Variants in C8orf34 observed in about 807,000 individuals in gnomAD.
C8orf34 encodes the protein chromosome 8 open reading frame 34, also known as uncharacterized protein C8orf34.
C8orf34 carries 65 observed loss-of-function variants against 68.3 expected under a neutral mutation model. The observed-to-expected ratio is 0.95, with a 90% CI of 0.78 to 1.17. C8orf34 has a LOEUF of 1.17. Among genes scored for constraint, C8orf34 ranks in the 50% most tolerant of loss-of-function variants. The pLI is 0.00. For synonymous variants in C8orf34, 244 were observed against 241.2 expected (o/e 1.01, Z -0.11); for missense variants, 664 against 655.4 (o/e 1.01, Z -0.14).
At chr8:68,400,332 T>A (rs907381091) in intron 1 of C8orf34, among the ~76,000 whole-genome samples, 3 of 152,152 alleles carry the variant, frequency 2.0e-5, no homozygotes, top group African/African-American at 7.2e-5. Context: ...CATCTAGAGT[T>A]GATTTTTGTA....
chr8:68,588,585 A>G (rs1300583802), intron 7 of C8orf34, among the ~76,000 whole-genome samples: 1 of 152,142 alleles, frequency 6.6e-6, no homozygotes, highest in Non-Finnish European at 1.5e-5. Flanking sequence ...AAGTCTAGCA[A>G]CCCAGTCGAA....
At chr8:68,583,634 T>C (rs2130368280) in intron 7 of C8orf34, among the ~76,000 whole-genome samples, 1 of 152,296 alleles carries the variant, frequency 6.6e-6, no homozygotes, top group East Asian at 1.9e-4. Context: ...CAATAGGTCA[T>C]GTAGATAAAT....
At chr8:68,567,742 T>C (rs1816639616) in intron 7 of C8orf34, among the ~76,000 whole-genome samples, 4 of 151,082 alleles carry the variant, frequency 2.6e-5, no homozygotes, top group Non-Finnish European at 5.9e-5. Flanking sequence ...TTTTTTTTTT[T>C]TGGTTTCAAT....
chr8:68,624,097 C>T (rs979039724), intron 7 of C8orf34, among the ~76,000 whole-genome samples: 4 of 151,728 alleles, frequency 2.6e-5, no homozygotes, highest in Admixed American at 6.6e-5. Flanking sequence ...ATGGTGAAAC[C>T]GGGTCTCTAC....
At chr8:68,402,316 G>T (rs897256872) in intron 1 of C8orf34, among the ~76,000 whole-genome samples, 5 of 151,918 alleles carry the variant, frequency 3.3e-5, no homozygotes, top group Non-Finnish European at 4.4e-5. Context: ...GGTTAGTCTG[G>T]CTAGCAGTTT....
intron 10 of C8orf34, among the ~76,000 whole-genome samples, chr8:68,745,497 G>A (rs572214654): frequency 1.2e-4 from 19 of 152,174 alleles, no homozygotes; most frequent in African/African-American, 1.7e-4. Context: ...CCCATCTCAC[G>A]TGCAGAGACA....
At chr8:68,808,088 CA>C (rs1824538202) in intron 12 of C8orf34, among the ~76,000 whole-genome samples, 1 of 152,170 alleles carries the variant, frequency 6.6e-6, no homozygotes, top group African/African-American at 2.4e-5. Context: ...AGCATGTCTC[CA>C]AATTCTGTGC....
chr8:68,680,458 A>C (rs1165285730), intron 8 of C8orf34, among the ~76,000 whole-genome samples: 1 of 152,190 alleles, frequency 6.6e-6, no homozygotes, highest in Non-Finnish European at 1.5e-5. Context: ...TGGGGGTGAC[A>C]TCACATATTG....
At chr8:68,687,969 G>T (rs756396929) in intron 8 of C8orf34, among the ~76,000 whole-genome samples, 10 of 152,024 alleles carry the variant, frequency 6.6e-5, no homozygotes, top group Non-Finnish European at 1.2e-4. Context: ...AGTGGGCAAA[G>T]GACAGGAATA....
At chr8:68,675,045 TA>T (rs1242962638) in intron 8 of C8orf34, among the ~76,000 whole-genome samples, 1 of 152,020 alleles carries the variant, frequency 6.6e-6, no homozygotes, top group Non-Finnish European at 1.5e-5. Flanking sequence ...TAGAATAATA[TA>T]TCTGGCAAAT....
In C8orf34 at chr8:68,479,462, T is replaced by C. The variant is rs1812767208; in HGVS notation, c.737-8561T>C. Among the ~76,000 whole-genome samples, 4 of 152,108 alleles carry C rather than the reference T, an allele frequency of 2.6e-5. No individual in the cohort carries two copies. The South Asian group carries it at 8.3e-4, about 32-fold the overall frequency. On this transcript the variant is annotated intron_variant, in intron 4 of 13. Transcript: ENST00000518698. The stretch of plus-strand genomic sequence containing the variant: ...AAGCAACAGAGAGAGAGAATATGTG[T>C]CTGTGTGTACAATTAATGGTTTTTA...
At chr8:68,601,879 C>G (rs13260066) in intron 7 of C8orf34, among the ~76,000 whole-genome samples, 88,248 of 151,980 alleles carry the variant, frequency 0.58, 25,812 homozygotes, top group African/African-American at 0.62. Flanking sequence ...GGTAGGCAGT[C>G]TCCCTGTTTA....
chr8:68,497,871 C>G (rs1279182020), intron 5 of C8orf34, among the ~76,000 whole-genome samples: 2 of 152,046 alleles, frequency 1.3e-5, no homozygotes. Flanking sequence ...TCTTGTTGCC[C>G]AGGCTGGAGT....
At chr8:68,689,326 G>A (rs1033444772) in intron 8 of C8orf34, among the ~76,000 whole-genome samples, 6 of 151,886 alleles carry the variant, frequency 4.0e-5, no homozygotes, top group Non-Finnish European at 7.4e-5. Context: ...TTTGGTGATG[G>A]GGGAAACTAA....
chr8:68,395,386 CACACACACACAA>C (rs1291615588), intron 1 of C8orf34, among the ~76,000 whole-genome samples: 1 of 145,976 alleles, frequency 6.9e-6, no homozygotes, highest in Non-Finnish European at 1.5e-5. Context: ...CACACACACA[CACACACACACAA>C]ACACACACAC....
chr8:68,666,032 T>C (rs1378483472), intron 8 of C8orf34, among the ~76,000 whole-genome samples: 2 of 152,184 alleles, frequency 1.3e-5, no homozygotes, highest in Non-Finnish European at 1.5e-5. Context: ...TTAGGAATAA[T>C]AGCTAATTTT....
intron 4 of C8orf34, among the ~76,000 whole-genome samples, chr8:68,478,745 T>C (rs994800223): frequency 5.6e-4 from 85 of 152,178 alleles, no homozygotes; most frequent in African/African-American, 2.0e-3. Context: ...TGAAGGGGGA[T>C]GAGCCTCTTA....
chr8:68,633,248 T>C (rs1818743454), intron 7 of C8orf34, among the ~76,000 whole-genome samples: 2 of 152,282 alleles, frequency 1.3e-5, no homozygotes, highest in Middle Eastern at 3.4e-3. Flanking sequence ...AATGCAATTC[T>C]TAGTTTTCTA....
At chr8:68,610,382 A>G (rs80143421) in intron 7 of C8orf34, among the ~76,000 whole-genome samples, 10,904 of 152,222 alleles carry the variant, frequency 0.072, 567 homozygotes, top group African/African-American at 0.14. Context: ...TATATTATTT[A>G]TGTAGTGATT....
Sources: allele counts gnomAD v4.1 joint callset (sites outside exome capture counted in the v4.1 genomes callset), GRCh38; gene constraint gnomAD v4.1.1; transcripts MANE v1.5; gene names NCBI Gene and HGNC (gene_info 2026-07-23, HGNC 2026-07-21).